The following PCCB variants were observed in gnomAD, a reference collection of about 807,000 sequenced individuals.
PCCB encodes the protein propionyl-CoA carboxylase beta chain, mitochondrial.
A neutral mutation model predicts 60.7 loss-of-function variants in PCCB; 43 were observed. The ratio of observed to expected loss-of-function variants is 0.71; its 90% CI spans 0.55 to 0.91. The LOEUF (loss-of-function observed/expected upper bound fraction) is 0.91. Among genes scored for constraint, PCCB ranks in the 40% least tolerant of loss-of-function variants. The probability of loss-of-function intolerance (pLI) is 0.00; values close to 1 mark genes in which losing one functional copy is unlikely to be tolerated. For missense variants in PCCB, 766 were observed against 702.8 expected, an observed-to-expected ratio of 1.09 and a Z score of -1.02; for synonymous variants, 276 against 255.9, an observed-to-expected ratio of 1.08 and a Z score of -0.75.
chr3:136,259,138 C>A, intron 3 of PCCB: 1 of 1,456,904 alleles, frequency 6.9e-7, no homozygotes, highest in Admixed American at 2.3e-5. Flanking sequence ...GCAGTGAGAG[C>A]TCTGATTCTT....
At chr3:136,329,840 G>C (rs1935474960) in intron 14 of PCCB, 65 bp from the exon 15 acceptor site, 4 of 1,588,978 alleles carry the variant, frequency 2.5e-6, no homozygotes, top group Non-Finnish European at 3.5e-6. Context: ...AGGCTGAGCA[G>C]AAGGTTGAGG....
At chr3:136,294,702 C>A (rs72985500) in intron 7 of PCCB, among the ~76,000 whole-genome samples, 2 of 152,092 alleles carry the variant, frequency 1.3e-5, no homozygotes, top group Non-Finnish European at 2.9e-5. Flanking sequence ...CTCAGTCTTC[C>A]GGGCTCAAGT....
chr3:136,264,458 A>ATATATATATATATATATATATATG (rs1560000174), intron 5 of PCCB, among the ~76,000 whole-genome samples: 1 of 148,176 alleles, frequency 6.7e-6, no homozygotes, highest in African/African-American at 2.5e-5. Flanking sequence ...GTATATATAT[A>ATATATATATATATATATATATATG]TATGTTCCTC....
At chr3:136,264,834 C>T (rs1941940522) in intron 5 of PCCB, among the ~76,000 whole-genome samples, 1 of 141,786 alleles carries the variant, frequency 7.1e-6, no homozygotes, top group Non-Finnish European at 1.5e-5. Flanking sequence ...AAGATTGCGC[C>T]ACCGCGCTCT....
intron 10 of PCCB, 137 bp downstream of exon 10, chr3:136,317,201 T>C: frequency 1.7e-6 from 1 of 593,662 alleles, no homozygotes; most frequent in Non-Finnish European, 2.8e-6. Context: ...AAATGGTTGT[T>C]ATAAAAGCTA....
intron 13 of PCCB, among the ~76,000 whole-genome samples, chr3:136,328,029 G>T (rs1283698886): frequency 6.6e-6 from 1 of 152,154 alleles, no homozygotes; most frequent in Non-Finnish European, 1.5e-5. Flanking sequence ...AAGTAAAGGG[G>T]GCAAAGGGTT....
chr3:136,328,242 C>T (rs1287720541), intron 13 of PCCB, among the ~76,000 whole-genome samples: 1 of 152,146 alleles, frequency 6.6e-6, no homozygotes, highest in Admixed American at 6.5e-5. Flanking sequence ...GTGGTCGAAT[C>T]AGATAACTTC....
At chr3:136,295,209 C>T (rs1369786702) in intron 7 of PCCB, among the ~76,000 whole-genome samples, 2 of 152,228 alleles carry the variant, frequency 1.3e-5, no homozygotes, top group Non-Finnish European at 2.9e-5. Flanking sequence ...GAGAGGCTGG[C>T]ATGCCTGATT....
chr3:136,294,398 G>A (rs762067828), intron 7 of PCCB, among the ~76,000 whole-genome samples: 4 of 149,280 alleles, frequency 2.7e-5, no homozygotes, highest in Admixed American at 6.7e-5. Flanking sequence ...TGCAACCTCC[G>A]CCTCCCAGGC....
intron 1 of PCCB, chr3:136,252,233 GA>G: frequency 2.2e-6 from 1 of 454,198 alleles, no homozygotes; most frequent in South Asian, 1.6e-5. Flanking sequence ...TTTCCCAGAA[GA>G]GGAATTAGTG....
At chr3:136,258,644 T>C (rs1242896017) in intron 3 of PCCB, among the ~76,000 whole-genome samples, 1 of 152,152 alleles carries the variant, frequency 6.6e-6, no homozygotes, top group African/African-American at 2.4e-5. Flanking sequence ...CCAGCACTCA[T>C]TCAGTGTATA....
chr3:136,277,404 T>G (rs1358667775), intron 5 of PCCB, among the ~76,000 whole-genome samples: 2 of 152,126 alleles, frequency 1.3e-5, no homozygotes, highest in Non-Finnish European at 2.9e-5. Flanking sequence ...GTAGTAGCAG[T>G]GGGATTCGAG....
At chr3:136,292,851 G>C (rs141049275) in intron 6 of PCCB, among the ~76,000 whole-genome samples, 131 of 152,242 alleles carry the variant, frequency 8.6e-4, no homozygotes, top group African/African-American at 3.1e-3. Flanking sequence ...CCTTAGGGGA[G>C]GCGAATTGGA....
In PCCB at chr3:136,253,499, G is replaced by C. The variant is rs764055544; in HGVS notation, c.184-2357G>C. On this transcript the variant is annotated intron_variant, in intron 1 of 14. Coordinates refer to ENST00000251654, the MANE Select transcript of PCCB (RefSeq NM_000532.5). ...TCCCAGGTTCAAGTGATTCTCCTGC[G>C]TTAGCCTCTTGAGTAGCTGGGATTT... Among the ~76,000 whole-genome samples, 173 of 149,968 alleles carry C rather than the reference G, an allele frequency of 1.2e-3. 1 individual carries two copies. The highest frequency in any genetic ancestry group is 1.8e-3 in the Non-Finnish European group (121 of 67,298).
intron 9 of PCCB, among the ~76,000 whole-genome samples, chr3:136,316,724 T>C (rs1241744489): frequency 6.6e-6 from 1 of 152,108 alleles, no homozygotes; most frequent in Non-Finnish European, 1.5e-5. Flanking sequence ...GGTGTGTCCA[T>C]CTTAGCAGCA....
intron 9 of PCCB, among the ~76,000 whole-genome samples, chr3:136,309,115 T>C (rs1445740042): frequency 2.0e-5 from 3 of 151,596 alleles, no homozygotes; most frequent in Non-Finnish European, 4.4e-5. Context: ...TACAAAAAAT[T>C]AGCTAGGCAT....
At chr3:136,300,185 T>C (rs1002110969) in intron 8 of PCCB, among the ~76,000 whole-genome samples, 1 of 152,112 alleles carries the variant, frequency 6.6e-6, no homozygotes, top group Non-Finnish European at 1.5e-5. Flanking sequence ...TGTGTATATA[T>C]GTATGACAAG....
chr3:136,327,778 C>T (rs757439855), intron 13 of PCCB, 46 bp downstream of exon 13: 2 of 1,442,576 alleles, frequency 1.4e-6, no homozygotes, highest in African/African-American at 1.4e-5. Context: ...GGACTCGACT[C>T]TACCAGCGAG....
At chr3:136,293,298 C>G (rs1374368475) in intron 6 of PCCB, among the ~76,000 whole-genome samples, 4 of 152,278 alleles carry the variant, frequency 2.6e-5, no homozygotes, top group South Asian at 4.2e-4. Flanking sequence ...CCACTGTAAC[C>G]CACTGATTTA....
Sources: gnomAD v4.1 joint callset for allele counts (sites outside exome capture counted in the v4.1 genomes callset) on GRCh38, gnomAD v4.1.1 for gene constraint, MANE v1.5 for transcripts, NCBI Gene and HGNC (gene_info 2026-07-23, HGNC 2026-07-21) for gene names.